EEPD1: variants seen among roughly 807,000 people sequenced by gnomAD.
EEPD1 encodes endonuclease/exonuclease/phosphatase family domain-containing protein 1.
In EEPD1, 17 loss-of-function variants were observed where a neutral mutation model predicts 46.3. That is an observed-to-expected ratio of 0.37 (90% confidence interval 0.25 to 0.55). The LOEUF (loss-of-function observed/expected upper bound fraction) is 0.55, where lower values mean the gene tolerates loss of function less well. Ranked by LOEUF, EEPD1 falls within the 20% of genes least tolerant of loss-of-function variation. The pLI, the probability that EEPD1 is intolerant of heterozygous loss-of-function variation, is 0.83. For synonymous variants in EEPD1, 313 were observed against 315.6 expected (o/e 0.99, Z 0.09); for missense variants, 673 against 745.6 (o/e 0.90, Z 1.13).
At chr7:36,178,572 C>T (rs1785222832) in intron 2 of EEPD1, among the ~76,000 whole-genome samples, 1 of 152,220 alleles carries the variant, frequency 6.6e-6, no homozygotes, top group South Asian at 2.1e-4. Context: ...TTCTGCCAAC[C>T]CTTGCTCTTC....
chr7:36,287,596 A>G (rs1213038104), intron 5 of EEPD1, 43 bp from the exon 6 acceptor site: 3 of 1,593,804 alleles, frequency 1.9e-6, no homozygotes, highest in Non-Finnish European at 2.6e-6. Context: ...AGGAAATATG[A>G]GCTTCTGAGC....
At chr7:36,175,536 C>CT (rs376285027) in intron 2 of EEPD1, among the ~76,000 whole-genome samples, 82 of 147,104 alleles carry the variant, frequency 5.6e-4, no homozygotes, top group African/African-American at 8.7e-4. Context: ...CTGACCCTGA[C>CT]TTTTTTTTTT....
In EEPD1 at chr7:36,155,013, A is replaced by G. The variant is rs767255473; in HGVS notation, c.689A>G (p.Asp230Gly). 1.9e-6 allele frequency: 3 copies of G among 1,608,328 alleles called. No individual in the cohort carries two copies. The African/African-American group carries it at 4.0e-5, about 21-fold the overall frequency. ...ACTTCCCTGAGCCTGCAGAGTGAGG[A>G]CCTGGACCTGCCGCCAGGGGGGCCC... ...SPTSLSLQSE[D>G]LDLPPGGPTQ... Residue 230 changes from aspartate (D) to glycine (G), a missense_variant, in exon 2 of 8, where the codon GAC (aspartate) becomes GGC (glycine). Transcript: ENST00000242108.
chr7:36,232,083 G>T (rs115515810), intron 2 of EEPD1, among the ~76,000 whole-genome samples: 1 of 151,570 alleles, frequency 6.6e-6, no homozygotes, highest in African/African-American at 2.4e-5. Context: ...AATATGCACT[G>T]CCCTCATTTT....
chr7:36,236,351 G>C (rs1196825314), intron 2 of EEPD1, among the ~76,000 whole-genome samples: 1 of 152,238 alleles, frequency 6.6e-6, no homozygotes, highest in Non-Finnish European at 1.5e-5. Flanking sequence ...GCGCGGGCTT[G>C]GCAAGCCCCG....
At chr7:36,161,916 A>T (rs1272670908) in intron 2 of EEPD1, among the ~76,000 whole-genome samples, 3 of 146,668 alleles carry the variant, frequency 2.0e-5, no homozygotes, top group Non-Finnish European at 4.5e-5. Flanking sequence ...AAAAAAAAAA[A>T]TTACTCTACC....
chr7:36,240,994 C>T (rs1786546148), intron 3 of EEPD1, among the ~76,000 whole-genome samples: 1 of 152,110 alleles, frequency 6.6e-6, no homozygotes, highest in Admixed American at 6.6e-5. Context: ...ATATGTCAGA[C>T]AGATCCAGAG....
chr7:36,293,795 C>T (rs1454229930), intron 6 of EEPD1, among the ~76,000 whole-genome samples: 1 of 152,116 alleles, frequency 6.6e-6, no homozygotes, highest in Non-Finnish European at 1.5e-5. Context: ...GAAACCCCAT[C>T]TCTACTAAAA....
At chr7:36,273,166 G>A (rs1005746838) in intron 3 of EEPD1, among the ~76,000 whole-genome samples, 1 of 134,096 alleles carries the variant, frequency 7.5e-6, no homozygotes, top group Non-Finnish European at 1.7e-5. Flanking sequence ...ACACACTCAC[G>A]GGTCGATTGG....
chr7:36,217,144 C>T (rs1233877472), intron 2 of EEPD1, among the ~76,000 whole-genome samples: 1 of 152,246 alleles, frequency 6.6e-6, no homozygotes, highest in Admixed American at 6.5e-5. Context: ...TAAAGAATGG[C>T]TACTCCATAG....
At chr7:36,199,969 C>T (rs1768759345) in intron 2 of EEPD1, among the ~76,000 whole-genome samples, 1 of 152,110 alleles carries the variant, frequency 6.6e-6, no homozygotes, top group South Asian at 2.1e-4. Context: ...TAAAGAATAG[C>T]TATTTTTTTA....
At chr7:36,184,416 A>G (rs953349464) in intron 2 of EEPD1, among the ~76,000 whole-genome samples, 3 of 152,152 alleles carry the variant, frequency 2.0e-5, no homozygotes, top group African/African-American at 7.2e-5. Context: ...AGGCATTCCA[A>G]TTAGCAGCCA....
intron 5 of EEPD1, among the ~76,000 whole-genome samples, chr7:36,285,529 G>C (rs1390683705): frequency 3.3e-5 from 5 of 152,160 alleles, no homozygotes; most frequent in Non-Finnish European, 5.9e-5. Context: ...GGATGCCCTT[G>C]GGAAGTGTTA....
At chr7:36,160,234 T>C (rs1057043897) in intron 2 of EEPD1, among the ~76,000 whole-genome samples, 1 of 152,286 alleles carries the variant, frequency 6.6e-6, no homozygotes, top group South Asian at 2.1e-4. Flanking sequence ...GGTAATAAAG[T>C]GGAGAACAAG....
intron 2 of EEPD1, among the ~76,000 whole-genome samples, 154 bp downstream of exon 2, chr7:36,155,356 G>A (rs1295285109): frequency 2.0e-5 from 3 of 152,220 alleles, no homozygotes; most frequent in Admixed American, 6.5e-5. Context: ...CGTCACCTGA[G>A]AATGGGCTGT....
chr7:36,256,759 G>T (rs1050613747), intron 3 of EEPD1, among the ~76,000 whole-genome samples: 1 of 151,994 alleles, frequency 6.6e-6, no homozygotes, highest in Non-Finnish European at 1.5e-5. Context: ...ACATTGATGG[G>T]TCTTGGCTTT....
At chr7:36,245,567 G>C (rs766128748) in intron 3 of EEPD1, among the ~76,000 whole-genome samples, 13 of 152,170 alleles carry the variant, frequency 8.5e-5, no homozygotes, top group Non-Finnish European at 2.9e-5. Context: ...TCAGGCTTCT[G>C]AGTTTCTCTT....
At position 36,284,909 on chromosome 7, in the gene EEPD1, G is replaced by C. The variant is rs1244359288; in HGVS notation, c.1176+89G>C. 4 of 1,390,322 alleles carry C rather than the reference G, an allele frequency of 2.9e-6. No individual in the cohort carries two copies. The African/African-American group carries it at 4.5e-5, about 16-fold the overall frequency. The allele number at this position is 1,390,322 out of a possible 1,614,324, so 86.1% of individuals were successfully genotyped here. A position where few individuals can be genotyped will look rare whatever the true frequency, so the allele number is the denominator to read the frequency against. ...TCATTTTGTAATAGCATGAGTAAGA[G>C]AAGTCTCGTCTTTTTGCCTTGATTT... On this transcript the variant is annotated intron_variant, in intron 5 of 7. Coordinates refer to ENST00000242108, the MANE Select transcript of EEPD1 (RefSeq NM_030636.3).
At chr7:36,162,018 C>G (rs1242989736) in intron 2 of EEPD1, among the ~76,000 whole-genome samples, 2 of 152,138 alleles carry the variant, frequency 1.3e-5, no homozygotes, top group African/African-American at 2.4e-5. Flanking sequence ...ATTTGCTCAT[C>G]ATGGACATCC....
Sources: allele counts gnomAD v4.1 joint callset (sites outside exome capture counted in the v4.1 genomes callset), GRCh38; gene constraint gnomAD v4.1.1; transcripts MANE v1.5; gene names NCBI Gene and HGNC (gene_info 2026-07-23, HGNC 2026-07-21).